The following ANKLE2 variants were observed in gnomAD, a reference collection of about 807,000 sequenced individuals.
The protein encoded by ANKLE2 is ankyrin repeat and LEM domain-containing protein 2.
A neutral mutation model predicts 84.2 loss-of-function variants in ANKLE2; 55 were observed. The ratio of observed to expected loss-of-function variants is 0.65; its 90% CI spans 0.53 to 0.82. The LOEUF (loss-of-function observed/expected upper bound fraction) is 0.82. Ranked by LOEUF, ANKLE2 falls within the 40% of genes least tolerant of loss-of-function variation. The probability of loss-of-function intolerance (pLI) is 0.00; values close to 1 mark genes in which losing one functional copy is unlikely to be tolerated. For missense variants in ANKLE2, 1,238 were observed against 1,201.9 expected (o/e 1.03, Z -0.44); for synonymous variants, 551 against 486.1 (o/e 1.13, Z -1.76).
intron 2 of ANKLE2, among the ~76,000 whole-genome samples, chr12:132,751,565 T>TGG (rs1457731552): frequency 9.5e-5 from 14 of 147,876 alleles, no homozygotes; most frequent in Non-Finnish European, 4.5e-5. Flanking sequence ...TTTTTTGACA[T>TGG]GGAGTCTCAC....
rs774555348 is a variant in ANKLE2, at chr12:132,743,432, C to T, written c.1231-156G>A. Among the ~76,000 whole-genome samples the T allele has an allele frequency of 1.3e-5, 2 of 151,912 alleles. No individual in the cohort carries two copies. The highest frequency in any genetic ancestry group is 2.4e-5 in the African/African-American group (1 of 41,346). On this transcript the variant is annotated intron_variant, in intron 5 of 12. Coordinates refer to ENST00000357997, the MANE Select transcript of ANKLE2 (RefSeq NM_015114.3). The surrounding 1 kb of genome is among the most constrained non-coding windows in gnomAD (Gnocchi z 4.1). ...TTGGCTCACTGCAACCTCTGCCTCC[C>T]GGGTTTAACCGATTCTCCTGCCTCA...
At chr12:132,733,823 T>C (rs984350758) in intron 10 of ANKLE2, among the ~76,000 whole-genome samples, 1 of 152,100 alleles carries the variant, frequency 6.6e-6, no homozygotes, top group Non-Finnish European at 1.5e-5. Flanking sequence ...AAATCTAAAA[T>C]ATCAGGCTCA....
chr12:132,761,545 C>T (rs2044625881), intron 1 of ANKLE2, 73 bp downstream of exon 1: 1 of 1,156,190 alleles, frequency 8.6e-7, no homozygotes, highest in Non-Finnish European at 1.1e-6. Context: ...CGGCCGGGAC[C>T]CCAGGCCCGA....
Position 132,727,042 on chromosome 12 carries a change from T to C in ANKLE2, c.*200A>G, listed in dbSNP as rs2043713157. The C allele has an allele frequency of 1.6e-6, 1 of 641,080 alleles. No homozygotes were observed. Among genetic ancestry groups the C allele is most frequent in the Non-Finnish European group, 2.4e-6 (1 of 409,294 alleles). 39.7% of individuals were successfully genotyped at this position (641,080 alleles called of 1,614,324 possible). A position where few individuals can be genotyped will look rare whatever the true frequency, so the allele number is the denominator to read the frequency against. ...CCAGAAAATTGGTAACTGAGTTTGC[T>C]TTCATTAACTTCTAACTTCTTCCAA... On this transcript the variant is annotated 3_prime_UTR_variant, in exon 13 of 13. Transcript: ENST00000357997.
At chr12:132,733,694 C>G (rs1289586720) in intron 10 of ANKLE2, among the ~76,000 whole-genome samples, 1 of 152,056 alleles carries the variant, frequency 6.6e-6, no homozygotes, top group Non-Finnish European at 1.5e-5. Flanking sequence ...CTGATATGCA[C>G]TGTGTGAAGC....
At position 132,741,720 on chromosome 12, in the gene ANKLE2, G is replaced by A. The variant is rs988857430; in HGVS notation, c.1354-235C>T. The A allele has an allele frequency of 1.7e-4, 112 of 640,426 alleles. 2 individuals are homozygous for A. Among genetic ancestry groups the A allele is most frequent in the East Asian group, 1.3e-3 (43 of 32,634 alleles). 39.7% of individuals were successfully genotyped at this position (640,426 alleles called of 1,614,324 possible). ...ATGGGTAAATTTACTTCTTGTTTGC[G>A]CTACTCGACATTTTCTAACTGTCTG... On this transcript the variant is annotated intron_variant, in intron 6 of 12. Coordinates refer to ENST00000357997, the MANE Select transcript of ANKLE2 (RefSeq NM_015114.3).
In ANKLE2 at chr12:132,725,985, C is replaced by T. The variant is rs1446308089; in HGVS notation, c.*1257G>A. ...GAAGCCTTTTTTTAAAACAAAGTTT[C>T]AATTCAGAATTTTTACAAACAAAAA... On this transcript the variant is annotated 3_prime_UTR_variant, in exon 13 of 13. Transcript: ENST00000357997. 1.3e-5 allele frequency: 2 copies of T among 152,152 alleles called. No homozygotes were observed. The highest frequency in any genetic ancestry group is 1.3e-4 in the Admixed American group (2 of 15,276). 9.4% of individuals were successfully genotyped at this position (152,152 alleles called of 1,614,324 possible).
intron 8 of ANKLE2, among the ~76,000 whole-genome samples, chr12:132,736,193 A>T (rs950622732): frequency 2.0e-5 from 3 of 151,922 alleles, no homozygotes; most frequent in African/African-American, 7.3e-5. Flanking sequence ...CTCGTGATCC[A>T]CCCGCCTCGG....
chr12:132,734,722 A>G (rs769105956), intron 9 of ANKLE2, 147 bp from the exon 10 acceptor site: 39 of 773,046 alleles, frequency 5.0e-5, no homozygotes, highest in Non-Finnish European at 7.6e-5. Flanking sequence ...TGGCAGCTGA[A>G]ATCATACGGT....
intron 1 of ANKLE2, chr12:132,756,621 G>A (rs762471762): frequency 6.6e-6 from 1 of 151,994 alleles, no homozygotes; most frequent in African/African-American, 2.4e-5. Context: ...AAACATGTTC[G>A]TGATTTACAT....
rs755267946 is a variant in ANKLE2 at position 132,748,062 on chromosome 12, TGGA to T, written c.1042-45_1042-43del. On this transcript the variant is annotated intron_variant, in intron 4 of 12. Transcript: ENST00000357997. ...TGCTCTGAGCTTCCTATCTGATGTG[TGGA>T]CACGCCCTGTGCGAGTGCTGCGATG... 2.5e-6 allele frequency: 4 copies of T among 1,601,028 alleles called. No individual in the cohort carries two copies. The East Asian group carries it at 9.0e-5, about 36-fold the overall frequency.
rs768377724 is a variant in ANKLE2, at chr12:132,750,852, G to A, written c.641-3C>T. 1.2e-6 allele frequency: 2 copies of A among 1,612,692 alleles called. No individual in the cohort carries two copies. The highest frequency in any genetic ancestry group is 1.7e-6 in the Non-Finnish European group (2 of 1,179,276). Reference sequence around the variant, plus strand: ...ATTTTCATAAACATAGATCCTTTCTGGGTAAGAAAAGTAACAAATGAAAAT... The same window carrying A: ...ATTTTCATAAACATAGATCCTTTCTAGGTAAGAAAAGTAACAAATGAAAAT... On this transcript the variant is annotated splice_region_variant and splice_polypyrimidine_tract_variant and intron_variant, in intron 2 of 12. Transcript: ENST00000357997.
rs2044176840 is a variant in ANKLE2 at position 132,743,648 on chromosome 12, T to TTA, written c.1231-374_1231-373dup. The stretch of plus-strand genomic sequence containing the variant: ...ACAGGTGTGAGTCACCGAGCCTGGC[T>TTA]TATACTTTTTTAAAAAAAAAAAGAC... On this transcript the variant is annotated intron_variant, in intron 5 of 12. Coordinates refer to ENST00000357997, the MANE Select transcript of ANKLE2 (RefSeq NM_015114.3). The surrounding 1 kb of genome is among the most constrained non-coding windows in gnomAD (Gnocchi z 4.1). 3.5e-5 allele frequency among the ~76,000 whole-genome samples: 4 copies of TTA among 112,712 alleles called. No individual in the cohort carries two copies. The South Asian group carries it at 1.2e-3, about 33-fold the overall frequency. The allele number at this position is 112,712 out of a possible 152,430, so 73.9% of individuals were successfully genotyped here.
rs565218565 is a variant in ANKLE2 at position 132,742,300 on chromosome 12, A to G, written c.1354-815T>C. 3 of 157,742 alleles carry G rather than the reference A, an allele frequency of 1.9e-5. No homozygotes were observed. The East Asian group carries it at 5.7e-4, about 30-fold the overall frequency. 9.8% of individuals were successfully genotyped at this position (157,742 alleles called of 1,614,324 possible). A position where few individuals can be genotyped will look rare whatever the true frequency, so the allele number is the denominator to read the frequency against. On this transcript the variant is annotated intron_variant, in intron 6 of 12. Coordinates refer to ENST00000357997, the MANE Select transcript of ANKLE2 (RefSeq NM_015114.3). ...TGGTGAATTTTATTCTTTTTGATCA[A>G]GCAGTATTTTAAGTTTTCTATGGCA...
chr12:132,734,372 T>C lies in ANKLE2; in HGVS notation c.1891+13A>G. 6.2e-7 allele frequency: 1 copy of C among 1,613,030 alleles called. No homozygotes were observed. The highest frequency in any genetic ancestry group is 2.2e-5 in the East Asian group (1 of 44,878). ...CCCTCCCAGCTGCCACAGCCACGCC[T>C]GCACATGCTTACCAGACGTGGTGGC... is the stretch of plus-strand genomic sequence containing the variant. On this transcript the variant is annotated intron_variant, in intron 10 of 12. Transcript: ENST00000357997.
chr12:132,755,184 G>A (rs1351432086), intron 1 of ANKLE2, 51 bp from the exon 2 acceptor site: 1 of 1,481,402 alleles, frequency 6.8e-7, no homozygotes, highest in Non-Finnish European at 9.1e-7. Context: ...AACACCTGCT[G>A]AAGCTGGGTG....
rs2043749286 is a variant in ANKLE2, at chr12:132,728,171, G to A, written c.2484-8C>T. The A allele has an allele frequency of 2.5e-6, 4 of 1,608,928 alleles. No homozygotes were observed. Among genetic ancestry groups the A allele is most frequent in the South Asian group, 1.1e-5 (1 of 90,420 alleles). On this transcript the variant is annotated splice_region_variant and splice_polypyrimidine_tract_variant and intron_variant, in intron 11 of 12. Coordinates refer to ENST00000357997, the MANE Select transcript of ANKLE2 (RefSeq NM_015114.3). ...AGTTTTGATGGCTCCTCTCTAGAAAGCACAATAAAAGAAGCAAAAACATCT... is the reference window on the plus strand; with the variant it reads ...AGTTTTGATGGCTCCTCTCTAGAAAACACAATAAAAGAAGCAAAAACATCT...
In ANKLE2 at chr12:132,755,042, A is replaced by C; in HGVS notation, c.273T>G (p.Cys91Trp). The change falls in exon 2 of 13, where the codon TGT becomes TGG. Residue 91 changes from cysteine (C) to tryptophan (W), a missense_variant. This residue lies in a region of ANKLE2 where 422 missense variants were observed against 394.5 expected (regional missense o/e 1.07). Coordinates refer to ENST00000357997, the MANE Select transcript of ANKLE2 (RefSeq NM_015114.3). ...REEIVKAGLKCGPITSTTRFI... is the reference protein window; with the variant it reads ...REEIVKAGLKWGPITSTTRFI... ...ACCTTGTAGTTGATGTAATGGGTCC[A>C]CATTTCAATCCGGCTTTGACGATTT... The C allele has an allele frequency of 1.2e-6, 2 of 1,614,188 alleles. No homozygotes were observed. The highest frequency in any genetic ancestry group is 1.7e-6 in the Non-Finnish European group (2 of 1,180,048).
chr12:132,748,504 G>A (rs1014382755), intron 3 of ANKLE2, among the ~76,000 whole-genome samples, 173 bp from the exon 4 acceptor site: 2 of 152,292 alleles, frequency 1.3e-5, no homozygotes, highest in African/African-American at 2.4e-5. Context: ...AGCATGCAAC[G>A]CAATCAATGG....
Sources: gnomAD v4.1 joint callset for allele counts (sites outside exome capture counted in the v4.1 genomes callset) on GRCh38, gnomAD v4.1.1 for gene constraint, gnomAD v4.1.1 regional missense constraint, Gnocchi (gnomAD v3.1) non-coding constraint, MANE v1.5 for transcripts, NCBI Gene and HGNC (gene_info 2026-07-23, HGNC 2026-07-21) for gene names.